GABRG3: variants seen among roughly 807,000 people sequenced by gnomAD.
The protein encoded by GABRG3 is gamma-aminobutyric acid receptor subunit gamma-3.
In GABRG3, 25 loss-of-function variants were observed where a neutral mutation model predicts 48.8. The ratio of observed to expected loss-of-function variants is 0.51; its 90% CI spans 0.37 to 0.72. The LOEUF is 0.72. GABRG3 is among the 30% of genes least tolerant of loss of function. The probability of loss-of-function intolerance (pLI) is 0.00; values close to 1 mark genes in which losing one functional copy is unlikely to be tolerated. For synonymous variants in GABRG3, 227 were observed against 217.6 expected (o/e 1.04, Z -0.38); for missense variants, 394 against 577.9 (o/e 0.68, Z 3.26).
intron 5 of GABRG3, among the ~76,000 whole-genome samples, chr15:27,342,598 G>A (rs1894222298): frequency 6.6e-6 from 1 of 152,226 alleles, no homozygotes; most frequent in Admixed American, 6.5e-5. Flanking sequence ...GATTCTCAGG[G>A]CATTCCCAAG....
intron 3 of GABRG3, among the ~76,000 whole-genome samples, chr15:27,268,325 C>T (rs1445018887): frequency 6.6e-6 from 1 of 152,104 alleles, no homozygotes; most frequent in African/African-American, 2.4e-5. Flanking sequence ...TCATAAAGTT[C>T]TTTAAAATAT....
At chr15:27,059,580 T>TA (rs1477706395) in intron 3 of GABRG3, among the ~76,000 whole-genome samples, 71 of 152,380 alleles carry the variant, frequency 4.7e-4, no homozygotes, top group African/African-American at 1.5e-3. Context: ...GTTCACCTCT[T>TA]ACGCTGTTAA....
intron 3 of GABRG3, among the ~76,000 whole-genome samples, chr15:27,326,297 G>T (rs1893611496): frequency 6.6e-6 from 1 of 152,204 alleles, no homozygotes; most frequent in Non-Finnish European, 1.5e-5. Context: ...TGCTTGAGAA[G>T]ACTCAAGTAC....
intron 5 of GABRG3, among the ~76,000 whole-genome samples, chr15:27,382,670 G>A (rs1895809758): frequency 6.6e-6 from 1 of 152,204 alleles, no homozygotes; most frequent in South Asian, 2.1e-4. Context: ...GATGATGGTG[G>A]TTTGCACTAC....
chr15:27,028,405 T>A (rs1443982121), intron 3 of GABRG3, among the ~76,000 whole-genome samples: 3 of 152,106 alleles, frequency 2.0e-5, no homozygotes, highest in Non-Finnish European at 1.5e-5. Flanking sequence ...AAGCTGCAGT[T>A]AAGGGTCGGA....
chr15:27,415,889 T>A (rs1887926598), intron 5 of GABRG3, among the ~76,000 whole-genome samples: 1 of 152,148 alleles, frequency 6.6e-6, no homozygotes, highest in Admixed American at 6.5e-5. Context: ...GTAGCTACTC[T>A]ATGGTCACCT....
At chr15:27,307,235 T>TAATACAAAC (rs1490992368) in intron 3 of GABRG3, among the ~76,000 whole-genome samples, 1 of 135,050 alleles carries the variant, frequency 7.4e-6, no homozygotes, top group African/African-American at 2.7e-5. Flanking sequence ...GTTTATATTA[T>TAATACAAAC]ATGTTTATAT....
chr15:27,311,821 C>T lies in GABRG3; in HGVS notation c.271-14988C>T, dbSNP rs188477807. ...ACTAACACAAAGGTCCAAGAGGCTC[C>T]GAAAATCTCTGCTTGGGCTGATTAT... On this transcript the variant is annotated intron_variant, in intron 3 of 9. Coordinates refer to ENST00000615808, the MANE Select transcript of GABRG3 (RefSeq NM_033223.5). Among the ~76,000 whole-genome samples the T allele has an allele frequency of 2.4e-4, 37 of 152,062 alleles. No individual in the cohort carries two copies. The East Asian group carries it at 5.4e-3, about 22-fold the overall frequency.
chr15:27,149,830 G>A (rs1052616674), intron 3 of GABRG3, among the ~76,000 whole-genome samples: 1 of 152,136 alleles, frequency 6.6e-6, no homozygotes, highest in Non-Finnish European at 1.5e-5. Flanking sequence ...AGTTTCATTT[G>A]AAACAAGGAT....
rs139797247 is a variant in GABRG3 at position 27,166,722 on chromosome 15, C to A, written c.270+139901C>A. ...CTGTTTCCTAGGAAATGAAGACACT[C>A]CACTTATTATTACAAATAGATTATG... On this transcript the variant is annotated intron_variant, in intron 3 of 9. Transcript: ENST00000615808. 2.2e-3 allele frequency among the ~76,000 whole-genome samples: 339 copies of A among 152,268 alleles called. 1 individual carries two copies. Among genetic ancestry groups the A allele is most frequent in the African/African-American group, 7.7e-3 (320 of 41,552 alleles).
At chr15:27,401,507 A>C (rs1306698762) in intron 5 of GABRG3, among the ~76,000 whole-genome samples, 1 of 152,208 alleles carries the variant, frequency 6.6e-6, no homozygotes, top group Non-Finnish European at 1.5e-5. Context: ...ATCGCATTCA[A>C]CTTCTTCCTA....
intron 7 of GABRG3, among the ~76,000 whole-genome samples, 193 bp from the exon 8 acceptor site, chr15:27,527,237 TATA>T (rs1207963378): frequency 1.3e-5 from 2 of 152,242 alleles, no homozygotes; most frequent in Non-Finnish European, 2.9e-5. Context: ...TTGTGAAGAC[TATA>T]ATAAGAAATT....
rs546112510 is a variant in GABRG3, at chr15:27,063,626, T to A, written c.270+36805T>A. ...ATGCTTCCTGTACAGCCTGCAGAAC[T>A]GTGAGCAGTTAAACCTCTTTTCTTC... On this transcript the variant is annotated intron_variant, in intron 3 of 9. Transcript: ENST00000615808. Among the ~76,000 whole-genome samples, 3 of 152,356 alleles carry A rather than the reference T, an allele frequency of 2.0e-5. No homozygotes were observed. The South Asian group carries it at 6.2e-4, about 32-fold the overall frequency.
intron 3 of GABRG3, among the ~76,000 whole-genome samples, chr15:27,165,073 G>A (rs1424795536): frequency 6.6e-6 from 1 of 152,128 alleles, no homozygotes; most frequent in Admixed American, 6.5e-5. Flanking sequence ...ATTTTTACTA[G>A]TGAAATTTGA....
At chr15:27,173,552 G>A (rs150711100) in intron 3 of GABRG3, among the ~76,000 whole-genome samples, 8 of 151,956 alleles carry the variant, frequency 5.3e-5, no homozygotes, top group East Asian at 1.9e-4. Flanking sequence ...TTCCCTTACC[G>A]TAACACTTGT....
chr15:27,135,695 A>G (rs12438430), intron 3 of GABRG3, among the ~76,000 whole-genome samples: 20,650 of 152,204 alleles, frequency 0.14, 1,639 homozygotes, highest in Admixed American at 0.24. Flanking sequence ...TCACGAGGTC[A>G]GGAGTTTGAG....
intron 5 of GABRG3, among the ~76,000 whole-genome samples, chr15:27,403,779 G>A (rs758989745): frequency 2.7e-5 from 4 of 150,668 alleles, no homozygotes; most frequent in Non-Finnish European, 5.9e-5. Context: ...GGGCGTGGTA[G>A]TGCGCGCCTG....
At chr15:27,358,027 C>T (rs557510563) in intron 5 of GABRG3, among the ~76,000 whole-genome samples, 1 of 152,284 alleles carries the variant, frequency 6.6e-6, no homozygotes, top group East Asian at 1.9e-4. Context: ...TTACAAAAAC[C>T]ACATTTATTA....
chr15:27,421,510 A>T (rs892074005), intron 5 of GABRG3, among the ~76,000 whole-genome samples: 2 of 152,054 alleles, frequency 1.3e-5, no homozygotes, highest in African/African-American at 4.8e-5. Flanking sequence ...AAATCCACCA[A>T]TACTGAGTGT....
Sources: gnomAD v4.1 joint callset for allele counts (sites outside exome capture counted in the v4.1 genomes callset) on GRCh38, gnomAD v4.1.1 for gene constraint, MANE v1.5 for transcripts, NCBI Gene and HGNC (gene_info 2026-07-23, HGNC 2026-07-21) for gene names.